The following TCF7L2 variants were observed in gnomAD, a reference collection of about 807,000 sequenced individuals.
The protein encoded by TCF7L2 is transcription factor 7 like 2.
TCF7L2 carries 23 observed loss-of-function variants against 77.9 expected under a neutral mutation model. That is an observed-to-expected ratio of 0.30 (90% confidence interval 0.21 to 0.42). TCF7L2 has a LOEUF of 0.42. TCF7L2 is among the 10% of genes least tolerant of loss of function. TCF7L2 has a pLI of 1.00. For missense variants in TCF7L2, 654 were observed against 793.1 expected (o/e 0.82, Z 2.11); for synonymous variants, 413 against 340.2 (o/e 1.21, Z -2.36).
chr10:113,095,546 G>A (rs1158418511), intron 5 of TCF7L2, among the ~76,000 whole-genome samples: 5 of 152,050 alleles, frequency 3.3e-5, no homozygotes, highest in Non-Finnish European at 7.4e-5. Flanking sequence ...GCCTCAGTGA[G>A]GTCATATTCC....
intron 5 of TCF7L2, among the ~76,000 whole-genome samples, chr10:113,127,886 T>TC (rs2065914597): frequency 7.3e-6 from 1 of 136,426 alleles, no homozygotes; most frequent in Non-Finnish European, 1.6e-5. Context: ...TTTTTTTTTT[T>TC]TCCATTTTTC....
intron 4 of TCF7L2, among the ~76,000 whole-genome samples, chr10:113,012,370 A>G (rs1172726834): frequency 6.6e-6 from 1 of 152,156 alleles, no homozygotes; most frequent in Non-Finnish European, 1.5e-5. Flanking sequence ...TTGAGAAACC[A>G]TCGGGATAGT....
At chr10:113,026,090 G>C (rs2049105174) in intron 4 of TCF7L2, among the ~76,000 whole-genome samples, 1 of 151,884 alleles carries the variant, frequency 6.6e-6, no homozygotes, top group African/African-American at 2.4e-5. Flanking sequence ...CGTTGGCCAG[G>C]CTGGTCTTGA....
intron 5 of TCF7L2, among the ~76,000 whole-genome samples, chr10:113,041,046 G>T (rs564764036): frequency 6.6e-6 from 1 of 152,212 alleles, no homozygotes; most frequent in Admixed American, 6.5e-5. Context: ...TCTAAAAATT[G>T]CAAAATAAGT....
intron 5 of TCF7L2, among the ~76,000 whole-genome samples, chr10:113,117,598 A>G (rs1334926215): frequency 1.3e-5 from 2 of 152,214 alleles, no homozygotes; most frequent in African/African-American, 4.8e-5. Flanking sequence ...TATTTAAGGA[A>G]AAAAAGAATG....
intron 4 of TCF7L2, among the ~76,000 whole-genome samples, chr10:113,018,830 C>T (rs184300024): frequency 2.6e-4 from 40 of 152,224 alleles, no homozygotes; most frequent in African/African-American, 9.4e-4. Context: ...GGTGGACTGC[C>T]GGGATCTGTT....
chr10:113,073,389 T>C (rs1483436437), intron 5 of TCF7L2, among the ~76,000 whole-genome samples: 1 of 149,404 alleles, frequency 6.7e-6, no homozygotes, highest in Non-Finnish European at 1.5e-5. Flanking sequence ...TGTTTGGATT[T>C]AAAAGGGTGG....
rs10711698 is a variant in TCF7L2 at position 112,956,344 on chromosome 10, C to CT, written c.381+4760dup. On this transcript the variant is annotated intron_variant, in intron 3 of 13. Coordinates refer to ENST00000627217, the MANE Select transcript of TCF7L2 (RefSeq NM_001146274.2). ...AGATTTCAGGCAAGGAGTGATTTAC[C>CT]TTTTTTTTTTTTTTTTTTTTTTTAA... 4.6e-3 allele frequency among the ~76,000 whole-genome samples: 521 copies of CT among 112,220 alleles called. 2 individuals carry two copies. The highest frequency in any genetic ancestry group is 0.013 in the African/African-American group (397 of 29,416). 73.6% of individuals were successfully genotyped at this position (112,220 alleles called of 152,430 possible).
intron 4 of TCF7L2, among the ~76,000 whole-genome samples, chr10:112,976,472 C>T (rs2039444830): frequency 6.6e-6 from 1 of 152,176 alleles, no homozygotes; most frequent in South Asian, 2.1e-4. Flanking sequence ...ATAAGCACTT[C>T]TGAAGGGCTA....
chr10:113,000,250 A>G (rs571413809), intron 4 of TCF7L2, among the ~76,000 whole-genome samples: 46 of 152,156 alleles, frequency 3.0e-4, no homozygotes, highest in African/African-American at 1.1e-3. Context: ...TGTAGGCACC[A>G]TCTTGGGGAG....
rs2134178094 is a variant in TCF7L2, at chr10:112,950,873, G to A, written c.117G>A (p.Arg39=). ...GCTCCGAAAACTCCTCGGCAGAGAG[G>A]GATTTAGCTGATGTCAAATCGTCTC... The change falls in exon 1 of 14, where the codon AGG becomes AGA. Residue 39 remains arginine, a synonymous_variant. Coordinates refer to ENST00000627217, the MANE Select transcript of TCF7L2 (RefSeq NM_001146274.2). 6.2e-7 allele frequency: 1 copy of A among 1,611,730 alleles called. No individual in the cohort carries two copies. The highest frequency in any genetic ancestry group is 8.5e-7 in the Non-Finnish European group (1 of 1,179,200).
intron 8 of TCF7L2, among the ~76,000 whole-genome samples, chr10:113,148,407 C>G (rs1380169196): frequency 2.6e-5 from 4 of 152,114 alleles, no homozygotes; most frequent in Non-Finnish European, 2.9e-5. Context: ...TGAAATGTTA[C>G]AAGTGCAAGG....
chr10:113,056,006 A>G (rs1241426008), intron 5 of TCF7L2, among the ~76,000 whole-genome samples: 3 of 152,192 alleles, frequency 2.0e-5, no homozygotes, highest in African/African-American at 7.2e-5. Flanking sequence ...ACTTAGAACA[A>G]GATACAAAAA....
chr10:113,134,705 TGCATA>T (rs1296102591), intron 5 of TCF7L2, among the ~76,000 whole-genome samples: 2 of 152,174 alleles, frequency 1.3e-5, no homozygotes, highest in Non-Finnish European at 2.9e-5. Flanking sequence ...TCTGGAAAAA[TGCATA>T]GAGGTGGACT....
chr10:113,113,373 C>T (rs926323262), intron 5 of TCF7L2, among the ~76,000 whole-genome samples: 5 of 152,160 alleles, frequency 3.3e-5, no homozygotes, highest in Admixed American at 6.5e-5. Flanking sequence ...ATTCTTCCCC[C>T]GCACCTCCCC....
Position 113,166,245 on chromosome 10 carries a change from T to A in TCF7L2, c.*273T>A, listed in dbSNP as rs781405798. ...TAAAGTCTTTGTAGCGTTTAAAAAA[T>A]ATATATATATACATAACTGTTATGT... On this transcript the variant is annotated 3_prime_UTR_variant, in exon 14 of 14. Transcript: ENST00000627217. 2.1e-4 allele frequency: 59 copies of A among 287,204 alleles called. No homozygotes were observed. Among genetic ancestry groups the A allele is most frequent in the East Asian group, 3.8e-4 (7 of 18,570 alleles). 17.8% of individuals were successfully genotyped at this position (287,204 alleles called of 1,614,324 possible).
chr10:113,102,179 G>A (rs2061739386), intron 5 of TCF7L2, among the ~76,000 whole-genome samples: 1 of 149,694 alleles, frequency 6.7e-6, no homozygotes, highest in African/African-American at 2.5e-5. Flanking sequence ...CAGTGTCTAG[G>A]ACGTCTGTTT....
At chr10:113,157,223 A>T (rs1484162827) in intron 11 of TCF7L2, among the ~76,000 whole-genome samples, 2 of 152,150 alleles carry the variant, frequency 1.3e-5, no homozygotes, top group Non-Finnish European at 2.9e-5. Flanking sequence ...GGTTCAGGCG[A>T]TTCTCCTGCC....
chr10:113,029,431 A>G (rs1028362131), intron 4 of TCF7L2, among the ~76,000 whole-genome samples: 2 of 151,148 alleles, frequency 1.3e-5, no homozygotes, highest in Admixed American at 6.6e-5. Context: ...GCTTTGGAGG[A>G]TATGATTTTG....
Sources: gnomAD v4.1 joint callset for allele counts (sites outside exome capture counted in the v4.1 genomes callset) on GRCh38, gnomAD v4.1.1 for gene constraint, MANE v1.5 for transcripts, NCBI Gene and HGNC (gene_info 2026-07-23, HGNC 2026-07-21) for gene names.